The following OSBPL8 variants were observed in gnomAD, a reference collection of about 807,000 sequenced individuals.
The protein encoded by OSBPL8 is oxysterol binding protein like 8, also known as oxysterol-binding protein-related protein 8.
Under a neutral mutation model 125.5 loss-of-function variants are expected in OSBPL8, and 59 were observed. The ratio of observed to expected loss-of-function variants is 0.47; its 90% CI spans 0.38 to 0.58. OSBPL8 has a LOEUF of 0.58. Ranked by LOEUF, OSBPL8 falls within the 20% of genes least tolerant of loss-of-function variation. The pLI is 0.00. For missense variants in OSBPL8, 758 were observed against 1,047.8 expected (o/e 0.72, Z 3.82); for synonymous variants, 330 against 338.9 (o/e 0.97, Z 0.29).
chr12:76,557,491 T>C (rs1951141463), intron 1 of OSBPL8, among the ~76,000 whole-genome samples: 2 of 151,920 alleles, frequency 1.3e-5, no homozygotes, highest in Non-Finnish European at 2.9e-5. Flanking sequence ...GGCACGCACC[T>C]GTAATCCCAG....
chr12:76,392,823 C>T, intron 9 of OSBPL8, 71 bp from the exon 10 acceptor site: 1 of 1,405,896 alleles, frequency 7.1e-7, no homozygotes, highest in Non-Finnish European at 9.6e-7. Context: ...TTAACTTACC[C>T]TGTTACCACT....
Position 76,557,605 on chromosome 12 carries a change from C to T in OSBPL8, c.-68+1792G>A, listed in dbSNP as rs1592920729. On this transcript the variant is annotated intron_variant, in intron 1 of 23. Transcript: ENST00000261183. Reference sequence around the variant, plus strand: ...CTCCAGCCTGGGATACAGAGTGAGACAGTCTTAAAAAAAAAAAAAAAAAAA... The same window carrying T: ...CTCCAGCCTGGGATACAGAGTGAGATAGTCTTAAAAAAAAAAAAAAAAAAA... Among the ~76,000 whole-genome samples the T allele has an allele frequency of 3.0e-5, 3 of 100,116 alleles. No individual in the cohort carries two copies. In the South Asian group the frequency reaches 1.2e-3, roughly 40 times the overall value. 65.7% of individuals were successfully genotyped at this position (100,116 alleles called of 152,430 possible). A position where few individuals can be genotyped will look rare whatever the true frequency, so the allele number is the denominator to read the frequency against.
chr12:76,424,083 C>T (rs1869845100), intron 4 of OSBPL8, among the ~76,000 whole-genome samples: 1 of 152,112 alleles, frequency 6.6e-6, no homozygotes, highest in South Asian at 2.1e-4. Flanking sequence ...TCGCTGCCAC[C>T]TCTACCTCTC....
intron 4 of OSBPL8, among the ~76,000 whole-genome samples, chr12:76,420,960 A>T (rs909130881): frequency 1.3e-4 from 20 of 152,050 alleles, no homozygotes; most frequent in Non-Finnish European, 4.4e-5. Flanking sequence ...TTACTTTTCT[A>T]TAGAAACAAA....
chr12:76,355,634 C>T lies in OSBPL8; in HGVS notation c.*255G>A, dbSNP rs776394985. 2.7e-6 allele frequency: 1 copy of T among 368,582 alleles called. No homozygotes were observed. The highest frequency in any genetic ancestry group is 4.9e-6 in the Non-Finnish European group (1 of 204,102). 22.8% of individuals were successfully genotyped at this position (368,582 alleles called of 1,614,324 possible). A position where few individuals can be genotyped will look rare whatever the true frequency, so the allele number is the denominator to read the frequency against. On this transcript the variant is annotated 3_prime_UTR_variant, in exon 24 of 24. Transcript: ENST00000261183. ...TGTATACATGTGGGTTTATTATACTCATATGTAGACACATTCTCACAAAAG... is the reference window on the plus strand; with the variant it reads ...TGTATACATGTGGGTTTATTATACTTATATGTAGACACATTCTCACAAAAG...
At chr12:76,432,835 C>A (rs915097413) in intron 4 of OSBPL8, among the ~76,000 whole-genome samples, 1 of 152,022 alleles carries the variant, frequency 6.6e-6, no homozygotes, top group Non-Finnish European at 1.5e-5. Flanking sequence ...CAACTATGAA[C>A]AACTATACAC....
intron 6 of OSBPL8, among the ~76,000 whole-genome samples, chr12:76,401,586 G>A (rs994058222): frequency 6.6e-6 from 1 of 152,100 alleles, no homozygotes; most frequent in African/African-American, 2.4e-5. Flanking sequence ...TGTAGGGTCA[G>A]GATTCAAACA....
At chr12:76,437,678 C>T (rs903605734) in intron 4 of OSBPL8, among the ~76,000 whole-genome samples, 16 of 152,032 alleles carry the variant, frequency 1.1e-4, no homozygotes, top group Non-Finnish European at 1.9e-4. Flanking sequence ...TTATCAAGTA[C>T]TTTGAAAAAA....
intron 1 of OSBPL8, among the ~76,000 whole-genome samples, chr12:76,517,347 T>C (rs1881645610): frequency 6.6e-6 from 1 of 152,246 alleles, no homozygotes; most frequent in African/African-American, 2.4e-5. Context: ...AACTTTTTAT[T>C]ACCTACTGTA....
intron 8 of OSBPL8, among the ~76,000 whole-genome samples, chr12:76,397,242 A>T (rs548478419): frequency 4.0e-5 from 6 of 151,294 alleles, no homozygotes; most frequent in African/African-American, 1.2e-4. Flanking sequence ...TTCTGCTTAT[A>T]GGCTTTACAT....
chr12:76,449,131 AACTG>A (rs1479200088), intron 4 of OSBPL8, among the ~76,000 whole-genome samples: 6 of 152,238 alleles, frequency 3.9e-5, no homozygotes, highest in Admixed American at 3.9e-4. Flanking sequence ...ACAACATCAA[AACTG>A]ACTAATTACA....
intron 2 of OSBPL8, among the ~76,000 whole-genome samples, chr12:76,464,001 C>T (rs1565917853): frequency 6.6e-6 from 1 of 152,324 alleles, no homozygotes; most frequent in East Asian, 1.9e-4. Context: ...AACCACTCTA[C>T]ACAATTAACT....
intron 1 of OSBPL8, among the ~76,000 whole-genome samples, chr12:76,517,687 T>G (rs1237236191): frequency 1.3e-5 from 2 of 152,194 alleles, no homozygotes; most frequent in African/African-American, 4.8e-5. Context: ...GTTCTACCGG[T>G]GATACAGAAG....
chr12:76,368,301 G>A (rs561938615), intron 21 of OSBPL8, among the ~76,000 whole-genome samples: 2 of 152,288 alleles, frequency 1.3e-5, no homozygotes, highest in African/African-American at 4.8e-5. Context: ...GATCCCCAGT[G>A]TATGTGATAA....
At chr12:76,396,124 T>C (rs963118343) in intron 8 of OSBPL8, among the ~76,000 whole-genome samples, 9 of 151,912 alleles carry the variant, frequency 5.9e-5, no homozygotes, top group African/African-American at 2.2e-4. Context: ...TTTTCTCCAC[T>C]TGAGAATCGC....
At chr12:76,507,407 G>A (rs4761333) in intron 1 of OSBPL8, among the ~76,000 whole-genome samples, 149,461 of 151,798 alleles carry the variant, frequency 0.98, 73,587 homozygotes, top group East Asian at 1. Context: ...GTAATGAATA[G>A]TGGCTTTCTC....
chr12:76,483,536 C>A (rs999474484), intron 2 of OSBPL8, among the ~76,000 whole-genome samples: 1 of 151,742 alleles, frequency 6.6e-6, no homozygotes, highest in Non-Finnish European at 1.5e-5. Flanking sequence ...TGCACTCCAA[C>A]CTGGGCAACA....
chr12:76,381,645 CTATTT>C (rs1276688289), intron 15 of OSBPL8, among the ~76,000 whole-genome samples: 1 of 151,772 alleles, frequency 6.6e-6, no homozygotes, highest in African/African-American at 2.4e-5. Flanking sequence ...GTTTTGAAAT[CTATTT>C]TATTAATATA....
chr12:76,364,219 T>C (rs544741630), intron 21 of OSBPL8, among the ~76,000 whole-genome samples: 1 of 152,342 alleles, frequency 6.6e-6, no homozygotes, highest in South Asian at 2.1e-4. Context: ...ATTTTGGCAC[T>C]ATTCACAATA....
Sources: allele counts gnomAD v4.1 joint callset (sites outside exome capture counted in the v4.1 genomes callset), GRCh38; gene constraint gnomAD v4.1.1; transcripts MANE v1.5; gene names NCBI Gene and HGNC (gene_info 2026-07-23, HGNC 2026-07-21).